Variants in ZRANB3 observed in about 807,000 individuals in gnomAD.
The protein encoded by ZRANB3 is zinc finger RANBP2-type containing 3.
A neutral mutation model predicts 133.8 loss-of-function variants in ZRANB3; 125 were observed. The observed-to-expected ratio is 0.93, with a 90% CI of 0.81 to 1.08. ZRANB3 has a LOEUF of 1.08. Ranked by LOEUF, ZRANB3 falls within the 50% of genes least tolerant of loss-of-function variation. ZRANB3 has a pLI of 0.00. For missense variants in ZRANB3, 1,229 were observed against 1,275.5 expected (o/e 0.96, Z 0.56); for synonymous variants, 387 against 432.7 (o/e 0.89, Z 1.31).
In ZRANB3 at chr2:135,379,936, C is replaced by A. The variant is rs996025648; in HGVS notation, c.180+10866G>T. Among the ~76,000 whole-genome samples the A allele has an allele frequency of 2.0e-5, 3 of 151,980 alleles. No homozygotes were observed. The South Asian group carries it at 6.2e-4, about 31-fold the overall frequency. On this transcript the variant is annotated intron_variant, in intron 3 of 20. Transcript: ENST00000264159. Reference sequence around the variant, plus strand: ...GACCCATCTGATGTGCAAAGACACACATAAGCTCCAAATAAAGGGATGGAG... The same window carrying A: ...GACCCATCTGATGTGCAAAGACACAAATAAGCTCCAAATAAAGGGATGGAG...
intron 2 of ZRANB3, among the ~76,000 whole-genome samples, chr2:135,432,285 T>TA (rs1042588091): frequency 6.6e-6 from 1 of 151,954 alleles, no homozygotes; most frequent in East Asian, 1.9e-4. Context: ...TGGACCATAG[T>TA]AAAAAAAATT....
At chr2:135,407,076 T>A (rs992257772) in intron 2 of ZRANB3, among the ~76,000 whole-genome samples, 1 of 152,162 alleles carries the variant, frequency 6.6e-6, no homozygotes, top group Non-Finnish European at 1.5e-5. Context: ...GAAAACCCCA[T>A]CGTCTCAGCC....
intron 2 of ZRANB3, among the ~76,000 whole-genome samples, chr2:135,395,688 C>T (rs1687459001): frequency 6.6e-6 from 1 of 152,024 alleles, no homozygotes; most frequent in South Asian, 2.1e-4. Flanking sequence ...AAACACCTGA[C>T]CTCAAATGAT....
intron 2 of ZRANB3, among the ~76,000 whole-genome samples, chr2:135,494,226 T>A (rs1211425403): frequency 7.3e-6 from 1 of 136,940 alleles, no homozygotes; most frequent in Non-Finnish European, 1.5e-5. Flanking sequence ...GAGAATGGCA[T>A]GAACCCGAGA....
At chr2:135,421,507 T>C (rs924332522) in intron 2 of ZRANB3, among the ~76,000 whole-genome samples, 2 of 152,188 alleles carry the variant, frequency 1.3e-5, no homozygotes, top group Non-Finnish European at 2.9e-5. Flanking sequence ...TTTTCCCCCT[T>C]TTATAGTAGC....
At chr2:135,370,002 A>G (rs1686100420) in intron 3 of ZRANB3, among the ~76,000 whole-genome samples, 1 of 147,580 alleles carries the variant, frequency 6.8e-6, no homozygotes, top group Admixed American at 6.8e-5. Flanking sequence ...ACCCCCACTC[A>G]TCCTTACTTG....
At position 135,346,009 on chromosome 2, in the gene ZRANB3, T is replaced by C. The variant is rs184180363; in HGVS notation, c.592-374A>G. Among the ~76,000 whole-genome samples the C allele has an allele frequency of 2.8e-3, 431 of 152,330 alleles. 1 individual carries two copies. Among genetic ancestry groups the C allele is most frequent in the African/African-American group, 9.4e-3 (390 of 41,570 alleles). On this transcript the variant is annotated intron_variant, in intron 5 of 20. Coordinates refer to ENST00000264159, the MANE Select transcript of ZRANB3 (RefSeq NM_032143.4). ...AATAATGCACTGCTTAAAAACTGAA[T>C]AGCAACCCATTATGATGTAGATGTA...
chr2:135,354,751 G>A (rs1247827394), intron 3 of ZRANB3, among the ~76,000 whole-genome samples: 5 of 152,196 alleles, frequency 3.3e-5, no homozygotes, highest in African/African-American at 9.6e-5. Flanking sequence ...CAGCAGATCC[G>A]TGGTTGCCAG....
chr2:135,446,712 C>G (rs1309330268), intron 2 of ZRANB3, among the ~76,000 whole-genome samples: 1 of 152,064 alleles, frequency 6.6e-6, no homozygotes, highest in Non-Finnish European at 1.5e-5. Flanking sequence ...GGAATTTAAT[C>G]TAGGTATGAA....
chr2:135,468,070 T>C (rs962129398), intron 2 of ZRANB3, among the ~76,000 whole-genome samples: 8 of 152,348 alleles, frequency 5.3e-5, no homozygotes, highest in African/African-American at 1.9e-4. Flanking sequence ...TTCCCTTTTA[T>C]TACCTGCTAC....
intron 6 of ZRANB3, among the ~76,000 whole-genome samples, chr2:135,338,223 A>G (rs941079963): frequency 1.3e-5 from 2 of 152,230 alleles, no homozygotes; most frequent in Non-Finnish European, 2.9e-5. Flanking sequence ...TAAACATTGG[A>G]TATCATGTGC....
chr2:135,283,299 G>A (rs1371376291), intron 8 of ZRANB3, among the ~76,000 whole-genome samples: 1 of 150,578 alleles, frequency 6.6e-6, no homozygotes, highest in Non-Finnish European at 1.5e-5. Context: ...AAACAAAACA[G>A]CTAATCTAAT....
intron 2 of ZRANB3, among the ~76,000 whole-genome samples, chr2:135,494,161 G>A (rs1259620115): frequency 1.1e-5 from 1 of 93,776 alleles, no homozygotes; most frequent in Non-Finnish European, 2.1e-5. Context: ...AAGGAAGGAA[G>A]GAAGGGAGGG....
rs551465996 is a variant in ZRANB3, at chr2:135,234,180, A to G, written c.1540-3253T>C. Among the ~76,000 whole-genome samples the G allele has an allele frequency of 3.2e-3, 489 of 152,330 alleles. 4 individuals are homozygous for G. Among genetic ancestry groups the G allele is most frequent in the African/African-American group, 0.011 (465 of 41,570 alleles). ...TAAAACAGACTTTAAACCAACAAAG[A>G]TCAAAAGAGACAAAGAAGGCCATTA... On this transcript the variant is annotated intron_variant, in intron 12 of 20. Transcript: ENST00000264159.
chr2:135,507,628 T>A (rs571517722), intron 1 of ZRANB3, among the ~76,000 whole-genome samples: 2 of 151,742 alleles, frequency 1.3e-5, no homozygotes, highest in South Asian at 2.1e-4. Context: ...TAAAAAAAAA[T>A]GTTGCTGTCT....
At chr2:135,509,858 T>A (rs868459842) in intron 1 of ZRANB3, among the ~76,000 whole-genome samples, 1 of 152,206 alleles carries the variant, frequency 6.6e-6, no homozygotes, top group Non-Finnish European at 1.5e-5. Flanking sequence ...GAATCAAAAT[T>A]GTCAAATTTT....
intron 6 of ZRANB3, among the ~76,000 whole-genome samples, chr2:135,322,115 C>G (rs1375461024): frequency 6.6e-6 from 1 of 152,128 alleles, no homozygotes; most frequent in Non-Finnish European, 1.5e-5. Context: ...GTTCCAAGAG[C>G]ATGTATTGAA....
At chr2:135,423,204 G>T (rs1018263206) in intron 2 of ZRANB3, among the ~76,000 whole-genome samples, 2 of 152,082 alleles carry the variant, frequency 1.3e-5, no homozygotes, top group African/African-American at 4.8e-5. Context: ...AGGCTGAGGC[G>T]GGCTGATCAC....
chr2:135,510,330 A>G (rs1693395375), intron 1 of ZRANB3, among the ~76,000 whole-genome samples: 1 of 152,310 alleles, frequency 6.6e-6, no homozygotes, highest in Non-Finnish European at 1.5e-5. Context: ...CTAAAATATC[A>G]TTCCACAAAA....
Sources: gnomAD v4.1 joint callset for allele counts (sites outside exome capture counted in the v4.1 genomes callset) on GRCh38, gnomAD v4.1.1 for gene constraint, MANE v1.5 for transcripts, NCBI Gene and HGNC (gene_info 2026-07-23, HGNC 2026-07-21) for gene names.